The following TCF4 variants were observed in gnomAD, a reference collection of about 807,000 sequenced individuals.
TCF4 encodes transcription factor 4.
In TCF4, 3 loss-of-function variants were observed where a neutral mutation model predicts 82.1. That is an observed-to-expected ratio of 0.04 (90% CI 0.02 to 0.09). The LOEUF (loss-of-function observed/expected upper bound fraction) is 0.09. TCF4 is among the 10% of genes least tolerant of loss of function. TCF4 has a pLI of 1.00. For synonymous variants in TCF4, 276 were observed against 309.6 expected, an observed-to-expected ratio of 0.89 and a Z score of 1.14; for missense variants, 518 against 852.7, an observed-to-expected ratio of 0.61 and a Z score of 4.89.
At chr18:55,618,494 A>T (rs2097714370) in intron 2 of TCF4, among the ~76,000 whole-genome samples, 2 of 151,252 alleles carry the variant, frequency 1.3e-5, no homozygotes, top group African/African-American at 4.9e-5. Flanking sequence ...CTTTTTTGTT[A>T]GTCTATCTAA....
At chr18:55,313,515 G>A (rs1195073626) in intron 8 of TCF4, among the ~76,000 whole-genome samples, 5 of 151,922 alleles carry the variant, frequency 3.3e-5, no homozygotes, top group Admixed American at 1.3e-4. Flanking sequence ...ATGTCATTAC[G>A]TTTCAAAGAC....
At position 55,227,482 on chromosome 18, in the gene TCF4, A is replaced by G. The variant is rs1157216811; in HGVS notation, c.*553T>C. 1 of 152,086 alleles carries G rather than the reference A, an allele frequency of 6.6e-6. No individual in the cohort carries two copies. Among genetic ancestry groups the G allele is most frequent in the Non-Finnish European group, 1.5e-5 (1 of 67,954 alleles). 9.4% of individuals were successfully genotyped at this position (152,086 alleles called of 1,614,324 possible). On this transcript the variant is annotated 3_prime_UTR_variant, in exon 20 of 20. Coordinates refer to ENST00000354452, the MANE Select transcript of TCF4 (RefSeq NM_001083962.2). ...CTAATGTCATCACTTCGTTGTCATC[A>G]GGACGTTTGCTGGTTTTGTTACTAG... is the stretch of plus-strand genomic sequence containing the variant.
chr18:55,414,147 C>T (rs562968663), intron 5 of TCF4, among the ~76,000 whole-genome samples: 1 of 152,278 alleles, frequency 6.6e-6, no homozygotes, highest in South Asian at 2.1e-4. Context: ...TGCAAGATGA[C>T]ATTCTAACAG....
chr18:55,510,329 C>CA (rs774563525), intron 3 of TCF4, among the ~76,000 whole-genome samples: 9 of 151,318 alleles, frequency 5.9e-5, no homozygotes, highest in Non-Finnish European at 7.4e-5. Context: ...GTAGAGATAG[C>CA]AAAAAAAAGT....
intron 11 of TCF4, among the ~76,000 whole-genome samples, chr18:55,263,940 C>G (rs989787803): frequency 5.3e-5 from 8 of 151,974 alleles, no homozygotes; most frequent in Non-Finnish European, 8.8e-5. Context: ...ATATCTGCTA[C>G]AGTAGTGGCT....
At chr18:55,526,695 A>C (rs956658385) in intron 3 of TCF4, among the ~76,000 whole-genome samples, 3 of 152,134 alleles carry the variant, frequency 2.0e-5, no homozygotes, top group Non-Finnish European at 4.4e-5. Flanking sequence ...GGCACTGTGA[A>C]CCCTTGGGCC....
chr18:55,382,876 C>T lies in TCF4; in HGVS notation c.369+20578G>A, dbSNP rs538027348. Among the ~76,000 whole-genome samples, 9 of 152,322 alleles carry T rather than the reference C, an allele frequency of 5.9e-5. No individual in the cohort carries two copies. The South Asian group carries it at 1.9e-3, about 32-fold the overall frequency. Reference sequence around the variant, plus strand: ...ATAGTCTCCTTCCTCATTACCTATTCTGATAGTTACAAAACCCTGAAGCTA... The same window carrying T: ...ATAGTCTCCTTCCTCATTACCTATTTTGATAGTTACAAAACCCTGAAGCTA... On this transcript the variant is annotated intron_variant, in intron 6 of 19. Transcript: ENST00000354452.
chr18:55,494,664 C>T (rs1468179672), intron 3 of TCF4, among the ~76,000 whole-genome samples: 6 of 152,026 alleles, frequency 3.9e-5, no homozygotes, highest in Admixed American at 3.3e-4. Context: ...AAGAGAACTA[C>T]ATTTATTTGC....
intron 2 of TCF4, among the ~76,000 whole-genome samples, chr18:55,605,069 A>G (rs2097701038): frequency 6.6e-6 from 1 of 152,148 alleles, no homozygotes. Flanking sequence ...GAGATTGCAG[A>G]ATGGGCACCC....
At chr18:55,411,995 C>T (rs1312059408) in intron 5 of TCF4, among the ~76,000 whole-genome samples, 1 of 152,144 alleles carries the variant, frequency 6.6e-6, no homozygotes, top group African/African-American at 2.4e-5. Context: ...CCTGCCTCAG[C>T]CTCCCAAAGT....
chr18:55,601,011 G>T (rs577347035), intron 2 of TCF4, among the ~76,000 whole-genome samples: 1 of 152,054 alleles, frequency 6.6e-6, no homozygotes, highest in Non-Finnish European at 1.5e-5. Flanking sequence ...TCTGATATCC[G>T]CAGGAAGGCC....
chr18:55,510,760 A>G, intron 3 of TCF4: 18 of 1,279,710 alleles, frequency 1.4e-5, no homozygotes, highest in Non-Finnish European at 1.8e-5. Flanking sequence ...GAAACAGAAC[A>G]TGAGTTAATG....
intron 3 of TCF4, among the ~76,000 whole-genome samples, chr18:55,498,729 G>A (rs556664552): frequency 2.6e-5 from 4 of 152,252 alleles, no homozygotes; most frequent in Non-Finnish European, 1.5e-5. Context: ...TAGCACCAAT[G>A]GCTTAGTGTT....
chr18:55,455,031 A>G (rs2095708510), intron 5 of TCF4, among the ~76,000 whole-genome samples: 1 of 151,978 alleles, frequency 6.6e-6, no homozygotes, highest in Non-Finnish European at 1.5e-5. Flanking sequence ...TACTAAAAAT[A>G]TAAAAATTAG....
rs181897338 is a variant in TCF4, at chr18:55,533,085, T to G, written c.145+52195A>C. On this transcript the variant is annotated intron_variant, in intron 3 of 19. Transcript: ENST00000354452. The stretch of plus-strand genomic sequence containing the variant: ...GTGGCACAATGGAACAAAATGTGGT[T>G]CAAAACAAAACAAAACACCAGCAGG... 2.0e-5 allele frequency among the ~76,000 whole-genome samples: 3 copies of G among 152,262 alleles called. No individual in the cohort carries two copies. The East Asian group carries it at 5.8e-4, about 29-fold the overall frequency.
chr18:55,453,624 CTA>C (rs2095670447), intron 5 of TCF4, among the ~76,000 whole-genome samples: 1 of 152,006 alleles, frequency 6.6e-6, no homozygotes, highest in Non-Finnish European at 1.5e-5. Context: ...TAGTTGGACT[CTA>C]AAAGTGTTTG....
chr18:55,257,045 G>A (rs1030526884), intron 14 of TCF4, among the ~76,000 whole-genome samples: 3 of 152,068 alleles, frequency 2.0e-5, no homozygotes, highest in Non-Finnish European at 4.4e-5. Context: ...ATCTTTCCTA[G>A]AGATGGGGAG....
At chr18:55,261,365 G>T in intron 12 of TCF4, 101 bp downstream of exon 12, 1 of 1,424,640 alleles carries the variant, frequency 7.0e-7, no homozygotes, top group Non-Finnish European at 9.9e-7. Flanking sequence ...AAAAATCAAA[G>T]CTATTTGCCA....
rs1193172523 is a variant in TCF4, at chr18:55,228,875, G to A, written c.1851C>T (p.Val617=). 1.9e-6 allele frequency: 3 copies of A among 1,614,166 alleles called. No individual in the cohort carries two copies. The highest frequency in any genetic ancestry group is 2.5e-6 in the Non-Finnish European group (3 of 1,180,024). Reference sequence around the variant, plus strand: ...GGACTTGCTGCTCCAGACTGAGGATGACGGCCACCGCCTGGTGGAGGATCA... The same window carrying A: ...GGACTTGCTGCTCCAGACTGAGGATAACGGCCACCGCCTGGTGGAGGATCA... ...KLLILHQAVA[V]ILSLEQQVRE... Residue 617 remains valine (V), a synonymous_variant, in exon 18 of 20, where the codon GTC becomes GTT. Coordinates refer to ENST00000354452, the MANE Select transcript of TCF4 (RefSeq NM_001083962.2).
Sources: allele counts gnomAD v4.1 joint callset (sites outside exome capture counted in the v4.1 genomes callset), GRCh38; gene constraint gnomAD v4.1.1; transcripts MANE v1.5; gene names NCBI Gene and HGNC (gene_info 2026-07-23, HGNC 2026-07-21).